Variants in MAD1L1 observed in about 807,000 individuals in gnomAD.
MAD1L1 encodes mitotic arrest deficient 1 like 1.
Under a neutral mutation model 96.9 loss-of-function variants are expected in MAD1L1, and 95 were observed. The observed-to-expected ratio is 0.98, with a 90% CI of 0.83 to 1.16. MAD1L1 has a LOEUF of 1.16. Ranked by LOEUF, MAD1L1 falls within the 50% of genes most tolerant of loss-of-function variation. The probability of loss-of-function intolerance (pLI) is 0.00; values close to 1 mark genes in which losing one functional copy is unlikely to be tolerated. For synonymous variants in MAD1L1, 473 were observed against 396.6 expected (o/e 1.19, Z -2.29); for missense variants, 1,007 against 954.4 (o/e 1.06, Z -0.73).
intron 11 of MAD1L1, among the ~76,000 whole-genome samples, chr7:2,070,486 G>A (rs900661856): frequency 4.6e-5 from 7 of 152,248 alleles, no homozygotes; most frequent in South Asian, 2.1e-4. Flanking sequence ...AGTGAGGTAC[G>A]AGAGCTCTCC....
intron 18 of MAD1L1, chr7:1,844,082 C>T (rs566860125): frequency 1.3e-5 from 2 of 154,518 alleles, no homozygotes; most frequent in African/African-American, 2.4e-5. Flanking sequence ...CAGAAGGCAA[C>T]TAAAAATCCC....
chr7:2,054,880 G>C (rs116860885), intron 12 of MAD1L1, among the ~76,000 whole-genome samples: 2 of 152,232 alleles, frequency 1.3e-5, no homozygotes, highest in Non-Finnish European at 2.9e-5. Context: ...ATGGGAGAGC[G>C]GGGAACACAT....
At chr7:2,111,639 G>C (rs1374762183) in intron 11 of MAD1L1, among the ~76,000 whole-genome samples, 1 of 152,144 alleles carries the variant, frequency 6.6e-6, no homozygotes, top group Non-Finnish European at 1.5e-5. Context: ...GGGGGCTGCA[G>C]AAAGCACCAC....
At chr7:1,893,671 G>C (rs936515402) in intron 18 of MAD1L1, among the ~76,000 whole-genome samples, 3 of 152,142 alleles carry the variant, frequency 2.0e-5, no homozygotes, top group African/African-American at 7.2e-5. Flanking sequence ...AGCCCCCTGA[G>C]GATGCCTTTC....
chr7:1,987,113 C>T (rs963912689), intron 14 of MAD1L1, among the ~76,000 whole-genome samples: 7 of 152,192 alleles, frequency 4.6e-5, no homozygotes, highest in Middle Eastern at 3.2e-3. Flanking sequence ...TGCCGCCTTC[C>T]CCACAATCTG....
intron 13 of MAD1L1, among the ~76,000 whole-genome samples, chr7:2,004,812 G>A (rs1024678782): frequency 3.9e-5 from 6 of 152,214 alleles, no homozygotes; most frequent in Admixed American, 6.5e-5. Context: ...GTCCACCTCC[G>A]TACCAGCCCC....
At chr7:1,824,602 G>A (rs1480707171) in intron 18 of MAD1L1, among the ~76,000 whole-genome samples, 2 of 152,150 alleles carry the variant, frequency 1.3e-5, no homozygotes, top group Non-Finnish European at 1.5e-5. Flanking sequence ...GCCAGGCCCC[G>A]GAGCCCCCAG....
chr7:2,077,114 G>T (rs536309162), intron 11 of MAD1L1, among the ~76,000 whole-genome samples: 1 of 151,660 alleles, frequency 6.6e-6, no homozygotes, highest in South Asian at 2.1e-4. Context: ...TGGTGAGCCC[G>T]AGATGGTTAC....
intron 17 of MAD1L1, among the ~76,000 whole-genome samples, chr7:1,902,789 C>T (rs531092782): frequency 8.5e-5 from 13 of 152,244 alleles, no homozygotes; most frequent in African/African-American, 9.6e-5. Context: ...GACGATCTTG[C>T]GGAACTCATG....
chr7:1,914,408 G>C (rs1185628567), intron 17 of MAD1L1, among the ~76,000 whole-genome samples: 2 of 152,246 alleles, frequency 1.3e-5, no homozygotes, highest in Non-Finnish European at 2.9e-5. Context: ...AGGCAGGAAA[G>C]TCGGCTAGAG....
At chr7:1,885,031 G>A (rs1257878240) in intron 18 of MAD1L1, among the ~76,000 whole-genome samples, 2 of 152,232 alleles carry the variant, frequency 1.3e-5, no homozygotes, top group Admixed American at 6.5e-5. Context: ...ACCCATACAT[G>A]TGAATGGTGA....
chr7:1,899,335 A>T (rs1337110489), intron 17 of MAD1L1, among the ~76,000 whole-genome samples: 1 of 152,192 alleles, frequency 6.6e-6, no homozygotes, highest in African/African-American at 2.4e-5. Flanking sequence ...GCTTCCCAGC[A>T]GTGCTGTCTG....
In MAD1L1 at chr7:1,968,083, A is replaced by G. The variant is rs1183664451; in HGVS notation, c.1506-10364T>C. Among the ~76,000 whole-genome samples, 1 of 152,240 alleles carries G rather than the reference A, an allele frequency of 6.6e-6. No individual in the cohort carries two copies. Among genetic ancestry groups the G allele is most frequent in the African/African-American group, 2.4e-5 (1 of 41,464 alleles). On this transcript the variant is annotated intron_variant, in intron 15 of 18. Coordinates refer to ENST00000265854, the MANE Select transcript of MAD1L1 (RefSeq NM_001013836.2). This position sits in a 1 kb window ranked among gnomAD's most constrained non-coding sequence, Gnocchi z 5.6. ...ACAGAACTCCACATCATACATGTAG[A>G]ACTCATCCCTCCAGAGGGGGAGCGT... is the stretch of plus-strand genomic sequence containing the variant.
At chr7:2,183,740 C>T (rs945920582) in intron 10 of MAD1L1, among the ~76,000 whole-genome samples, 43 of 148,664 alleles carry the variant, frequency 2.9e-4, no homozygotes, top group African/African-American at 1.0e-3. Context: ...CATCACACAC[C>T]GGGGACTGTC....
intron 11 of MAD1L1, among the ~76,000 whole-genome samples, chr7:2,110,024 T>A (rs947212436): frequency 1.4e-4 from 22 of 152,192 alleles, no homozygotes; most frequent in Non-Finnish European, 2.5e-4. Flanking sequence ...AGGCCGGAGG[T>A]GGCCATGAGG....
chr7:2,124,940 G>A (rs1304613718), intron 11 of MAD1L1, among the ~76,000 whole-genome samples: 1 of 152,196 alleles, frequency 6.6e-6, no homozygotes, highest in Non-Finnish European at 1.5e-5. Flanking sequence ...CCAGCCCCAG[G>A]GCAGGAGACA....
In MAD1L1 at chr7:1,979,393, G is replaced by C. The variant is rs548322173; in HGVS notation, c.1505+1060C>G. Among the ~76,000 whole-genome samples, 203 of 152,326 alleles carry C rather than the reference G, an allele frequency of 1.3e-3. 1 individual carries two copies. The highest frequency in any genetic ancestry group is 4.3e-3 in the African/African-American group (180 of 41,582). ...GGAGTGGCCAATGCAGGAAAGCCAT[G>C]GGCCTCCTGCCACCCCACCCTGTGC... is the stretch of plus-strand genomic sequence containing the variant. On this transcript the variant is annotated intron_variant, in intron 15 of 18. Coordinates refer to ENST00000265854, the MANE Select transcript of MAD1L1 (RefSeq NM_001013836.2).
chr7:2,037,813 C>A (rs1783507106), intron 12 of MAD1L1, among the ~76,000 whole-genome samples: 1 of 152,128 alleles, frequency 6.6e-6, no homozygotes, highest in African/African-American at 2.4e-5. Flanking sequence ...CTGGGCGACA[C>A]AACAGTATTA....
chr7:2,069,383 ACCACCCCACCAAGCCCCGCC>A, intron 11 of MAD1L1, 45 bp from the exon 12 acceptor site: 1 of 1,480,532 alleles, frequency 6.8e-7, no homozygotes, highest in Non-Finnish European at 8.9e-7. Context: ...GCCTGGGGTG[ACCACCCCACCAAGCCCCGCC>A]CCACCCCAGG....
Sources: gnomAD v4.1 joint callset for allele counts (sites outside exome capture counted in the v4.1 genomes callset) on GRCh38, gnomAD v4.1.1 for gene constraint, Gnocchi (gnomAD v3.1) non-coding constraint, MANE v1.5 for transcripts, NCBI Gene and HGNC (gene_info 2026-07-23, HGNC 2026-07-21) for gene names.